SHANK2: variants seen among roughly 807,000 people sequenced by gnomAD.
SHANK2 encodes the protein SH3 and multiple ankyrin repeat domains protein 2.
In SHANK2, 43 loss-of-function variants were observed where a neutral mutation model predicts 133.7. That is an observed-to-expected ratio of 0.32 (90% CI 0.25 to 0.41). SHANK2 has a LOEUF of 0.41. SHANK2 is among the 10% of genes least tolerant of loss of function. SHANK2 has a pLI of 1.00. For synonymous variants in SHANK2, 1,017 were observed against 952.8 expected (o/e 1.07, Z -1.24); for missense variants, 1,994 against 2,235.8 (o/e 0.89, Z 2.18).
chr11:70,500,444 G>T lies in SHANK2; in HGVS notation c.2308+126C>A. Reference sequence around the variant, plus strand: ...CAGGGCGGCAGGGCTCCTCGGGCAGGACCCAGCAGGAGAAGCCAACAAGGC... The same window carrying T: ...CAGGGCGGCAGGGCTCCTCGGGCAGTACCCAGCAGGAGAAGCCAACAAGGC... On this transcript the variant is annotated intron_variant, in intron 21 of 25. Transcript: ENST00000601538. This position sits in a 1 kb window ranked among gnomAD's most constrained non-coding sequence, Gnocchi z 4.5. The T allele has an allele frequency of 7.5e-7, 1 of 1,339,012 alleles. No individual in the cohort carries two copies. Among genetic ancestry groups the T allele is most frequent in the Non-Finnish European group, 1.0e-6 (1 of 956,374 alleles). 82.9% of individuals were successfully genotyped at this position (1,339,012 alleles called of 1,614,324 possible).
At chr11:71,085,564 TAA>T (rs1411817011) in intron 8 of SHANK2, among the ~76,000 whole-genome samples, 18 of 79,180 alleles carry the variant, frequency 2.3e-4, no homozygotes, top group Admixed American at 7.2e-4. Context: ...TTATATTATA[TAA>T]AATATATATT....
chr11:70,669,683 AAAC>A (rs1276063170), intron 15 of SHANK2: 1 of 152,614 alleles, frequency 6.6e-6, no homozygotes, highest in Non-Finnish European at 1.5e-5. Context: ...TCCAAAGAGA[AAAC>A]AACAGTGCGG....
chr11:71,066,583 G>A (rs988150113), intron 9 of SHANK2, among the ~76,000 whole-genome samples: 6 of 152,152 alleles, frequency 3.9e-5, no homozygotes, highest in East Asian at 1.9e-4. Context: ...TCCAGGCCCC[G>A]TCAAGCCATT....
rs532094172 is a variant in SHANK2 at position 71,251,100 on chromosome 11, C to G, written c.-113+1325G>C. Among the ~76,000 whole-genome samples, 841 of 152,198 alleles carry G rather than the reference C, an allele frequency of 5.5e-3. 5 individuals are homozygous for G. Among genetic ancestry groups the G allele is most frequent in the African/African-American group, 0.02 (813 of 41,504 alleles). Reference sequence around the variant, plus strand: ...CCTTACGTACTTTCGCCTGACCCCCCCACCACCCACCCCTCACCTGCCTGG... The same window carrying G: ...CCTTACGTACTTTCGCCTGACCCCCGCACCACCCACCCCTCACCTGCCTGG... On this transcript the variant is annotated intron_variant, in intron 1 of 25. Coordinates refer to ENST00000601538, the MANE Select transcript of SHANK2 (RefSeq NM_012309.5).
chr11:70,587,352 G>C (rs1379341599), intron 17 of SHANK2, among the ~76,000 whole-genome samples: 1 of 152,208 alleles, frequency 6.6e-6, no homozygotes, highest in Non-Finnish European at 1.5e-5. Flanking sequence ...GGGCAGAGGG[G>C]AGAAGCGGGG....
At chr11:70,727,429 G>A (rs1716347968) in intron 14 of SHANK2, among the ~76,000 whole-genome samples, 1 of 152,234 alleles carries the variant, frequency 6.6e-6, no homozygotes, top group African/African-American at 2.4e-5. Context: ...ACTGACTCTT[G>A]TGTAGTTTCC....
chr11:70,852,037 A>G (rs1949094276), intron 11 of SHANK2, among the ~76,000 whole-genome samples: 1 of 152,214 alleles, frequency 6.6e-6, no homozygotes, highest in Non-Finnish European at 1.5e-5. Context: ...AGTCCCTTTT[A>G]AAACCAAGAC....
intron 17 of SHANK2, among the ~76,000 whole-genome samples, chr11:70,515,817 A>T (rs542990141): frequency 8.9e-4 from 135 of 151,998 alleles, no homozygotes; most frequent in Non-Finnish European, 1.4e-3. Context: ...TCTCAAAAAA[A>T]TTTTTTTTAT....
At chr11:70,797,832 T>TACACACACACACACACACAC (rs368707688) in intron 14 of SHANK2, among the ~76,000 whole-genome samples, 1 of 142,040 alleles carries the variant, frequency 7.0e-6, no homozygotes, top group Admixed American at 7.0e-5. Context: ...TCCACTCTCA[T>TACACACACACACACACACAC]ACACACACAC....
intron 17 of SHANK2, among the ~76,000 whole-genome samples, chr11:70,563,873 C>A (rs1344362123): frequency 2.2e-4 from 33 of 152,226 alleles, no homozygotes; most frequent in Admixed American, 2.2e-3. Flanking sequence ...AAGTATTTTA[C>A]CTTTGTTGAA....
chr11:70,644,012 G>A (rs999945747), intron 17 of SHANK2, among the ~76,000 whole-genome samples: 2 of 152,150 alleles, frequency 1.3e-5, no homozygotes, highest in Non-Finnish European at 2.9e-5. Flanking sequence ...GGGTTTGTAC[G>A]TGGCGGCGAG....
At chr11:71,090,540 C>CTGTGTGTGTGTGTG (rs1200226260) in intron 8 of SHANK2, among the ~76,000 whole-genome samples, 1 of 3,520 alleles carries the variant, frequency 2.8e-4, no homozygotes. Flanking sequence ...AACACAACCT[C>CTGTGTGTGTGTGTG]TGTGTGTGTG....
At chr11:70,753,256 G>T (rs953587744) in intron 14 of SHANK2, among the ~76,000 whole-genome samples, 2 of 149,152 alleles carry the variant, frequency 1.3e-5, no homozygotes, top group Non-Finnish European at 3.0e-5. Flanking sequence ...ACATTCCTAC[G>T]TTCTCAGCAA....
At chr11:70,677,013 C>T (rs558432373) in intron 15 of SHANK2, among the ~76,000 whole-genome samples, 57 of 152,306 alleles carry the variant, frequency 3.7e-4, no homozygotes, top group African/African-American at 2.4e-5. Flanking sequence ...GCTAATCCCA[C>T]GTATACAGGC....
At chr11:70,524,246 C>T (rs782587163) in intron 17 of SHANK2, among the ~76,000 whole-genome samples, 2 of 152,226 alleles carry the variant, frequency 1.3e-5, no homozygotes, top group Non-Finnish European at 2.9e-5. Flanking sequence ...GGCAGTGCAG[C>T]TGTGAATGCC....
At chr11:70,670,155 CAGG>C (rs2134322998) in intron 15 of SHANK2, among the ~76,000 whole-genome samples, 1 of 152,304 alleles carries the variant, frequency 6.6e-6, no homozygotes, top group Non-Finnish European at 1.5e-5. Context: ...CAGCTGGAGC[CAGG>C]AGATCTGCCT....
chr11:70,678,681 T>A (rs1203216023), intron 15 of SHANK2, among the ~76,000 whole-genome samples: 1 of 151,924 alleles, frequency 6.6e-6, no homozygotes, highest in East Asian at 1.9e-4. Flanking sequence ...TAGCTGGGAC[T>A]ATAGGTGTGC....
intron 14 of SHANK2, among the ~76,000 whole-genome samples, chr11:70,796,519 A>G (rs561066688): frequency 1.3e-5 from 2 of 152,296 alleles, no homozygotes; most frequent in South Asian, 4.1e-4. Context: ...GGAGGACTGG[A>G]GGACAGGGAG....
chr11:70,730,824 TTC>T (rs1398058232), intron 14 of SHANK2, among the ~76,000 whole-genome samples: 9 of 110,818 alleles, frequency 8.1e-5, no homozygotes, highest in South Asian at 7.0e-4. Flanking sequence ...TCTTTTTTAT[TTC>T]TTTTTTTTTT....
Sources: gnomAD v4.1 joint callset for allele counts (sites outside exome capture counted in the v4.1 genomes callset) on GRCh38, gnomAD v4.1.1 for gene constraint, Gnocchi (gnomAD v3.1) non-coding constraint, MANE v1.5 for transcripts, NCBI Gene and HGNC (gene_info 2026-07-23, HGNC 2026-07-21) for gene names.